The following RYR2 variants were observed in gnomAD, a reference collection of about 807,000 sequenced individuals.
RYR2 encodes ryanodine receptor 2.
Under a neutral mutation model 601.1 loss-of-function variants are expected in RYR2, and 227 were observed. The observed-to-expected ratio is 0.38, with a 90% CI of 0.34 to 0.42. The LOEUF (loss-of-function observed/expected upper bound fraction) is 0.42, where lower values mean the gene tolerates loss of function less well. RYR2 is among the 10% of genes least tolerant of loss of function. The pLI, the probability that RYR2 is intolerant of heterozygous loss-of-function variation, is 1.00. For missense variants in RYR2, 4,646 were observed against 6,156.5 expected (o/e 0.75, Z 8.21); for synonymous variants, 2,223 against 2,175.1 (o/e 1.02, Z -0.61).
intron 42 of RYR2, among the ~76,000 whole-genome samples, chr1:237,632,102 T>A (rs1379740611): frequency 1.3e-5 from 2 of 152,276 alleles, no homozygotes; most frequent in Admixed American, 6.5e-5. Flanking sequence ...ATTTTTGGCC[T>A]CCTAAATTAT....
chr1:237,232,651 T>C (rs922083091), intron 1 of RYR2, among the ~76,000 whole-genome samples: 2 of 152,148 alleles, frequency 1.3e-5, no homozygotes, highest in Non-Finnish European at 2.9e-5. Context: ...CTGTTAGAAG[T>C]TCCCAAGGCC....
chr1:237,643,308 T>C lies in RYR2; in HGVS notation c.7222-19T>C, dbSNP rs764896555. ...TGATGTCACAAAGTTGTTCTAATGT[T>C]TTTTTTTCCCCTGTATAGTTGATTC... is the stretch of plus-strand genomic sequence containing the variant. On this transcript the variant is annotated intron_variant, in intron 47 of 104. Transcript: ENST00000366574. 6.2e-7 allele frequency: 1 copy of C among 1,606,930 alleles called. No individual in the cohort carries two copies. Among genetic ancestry groups the C allele is most frequent in the African/African-American group, 1.3e-5 (1 of 74,568 alleles).
chr1:237,128,211 T>C (rs2490382), intron 1 of RYR2, among the ~76,000 whole-genome samples: 130,627 of 150,240 alleles, frequency 0.87, 57,313 homozygotes, highest in South Asian at 0.98. Flanking sequence ...AGCGAAACCC[T>C]GTCTCCACCA....
intron 41 of RYR2, among the ~76,000 whole-genome samples, chr1:237,628,787 C>T (rs1679952471): frequency 6.6e-6 from 1 of 150,502 alleles, no homozygotes. Context: ...GTGTTTAATA[C>T]ATTAAAAAAA....
chr1:237,159,646 C>G (rs1450157751), intron 1 of RYR2, among the ~76,000 whole-genome samples: 2 of 152,092 alleles, frequency 1.3e-5, no homozygotes, highest in Non-Finnish European at 2.9e-5. Flanking sequence ...ACCTGGACAA[C>G]AAAGTGTGAC....
intron 83 of RYR2, 103 bp from the exon 84 acceptor site, chr1:237,760,852 T>A: frequency 1.6e-6 from 1 of 606,814 alleles, no homozygotes; most frequent in Non-Finnish European, 2.9e-6. Context: ...CGTTAACATT[T>A]GCTTCATCTT....
intron 1 of RYR2, among the ~76,000 whole-genome samples, chr1:237,209,832 G>A (rs1682369398): frequency 6.6e-6 from 1 of 152,102 alleles, no homozygotes; most frequent in Non-Finnish European, 1.5e-5. Context: ...CTCCAGCCTA[G>A]GTGACAGAGC....
intron 12 of RYR2, among the ~76,000 whole-genome samples, chr1:237,438,823 G>T (rs545397532): frequency 6.6e-6 from 1 of 152,338 alleles, no homozygotes; most frequent in South Asian, 2.1e-4. Context: ...TCTTTTGAGA[G>T]ATCTACTTTT....
At chr1:237,701,923 G>T in intron 65 of RYR2, 55 bp from the exon 66 acceptor site, 1 of 965,474 alleles carries the variant, frequency 1.0e-6, no homozygotes, top group South Asian at 1.4e-5. Context: ...GCTTTCTCAG[G>T]ACAATGTATA....
At chr1:237,119,206 G>T (rs1323891491) in intron 1 of RYR2, among the ~76,000 whole-genome samples, 1 of 152,136 alleles carries the variant, frequency 6.6e-6, no homozygotes, top group African/African-American at 2.4e-5. Flanking sequence ...TGTGCACAGA[G>T]GCAAGGCTGT....
chr1:237,304,460 T>A (rs981170509), intron 2 of RYR2, among the ~76,000 whole-genome samples: 1 of 152,358 alleles, frequency 6.6e-6, no homozygotes, highest in East Asian at 1.9e-4. Flanking sequence ...AAATCTCTGA[T>A]TATTCTGAAT....
At chr1:237,131,184 G>T (rs978506839) in intron 1 of RYR2, among the ~76,000 whole-genome samples, 13 of 152,168 alleles carry the variant, frequency 8.5e-5, no homozygotes, top group African/African-American at 3.1e-4. Context: ...TTCCCCCTGG[G>T]AGGAATTTGA....
intron 31 of RYR2, 23 bp downstream of exon 31, chr1:237,591,015 T>G (rs1675096102): frequency 6.3e-7 from 1 of 1,585,674 alleles, no homozygotes; most frequent in Non-Finnish European, 8.6e-7. Context: ...TACGCTGTGA[T>G]TTTAAATTTG....
chr1:237,264,847 C>G (rs936763895), intron 1 of RYR2, among the ~76,000 whole-genome samples: 1 of 151,408 alleles, frequency 6.6e-6, no homozygotes, highest in African/African-American at 2.4e-5. Context: ...AGGTACCCAC[C>G]ACCATGCCTG....
chr1:237,043,281 G>A (rs1014798152), intron 1 of RYR2, among the ~76,000 whole-genome samples: 3 of 152,084 alleles, frequency 2.0e-5, no homozygotes, highest in African/African-American at 7.2e-5. Flanking sequence ...CATGGGAAGC[G>A]AGCGTGTGTT....
chr1:237,496,742 T>C lies in RYR2; in HGVS notation c.2193T>C (p.His731=). 1 of 1,613,688 alleles carries C rather than the reference T, an allele frequency of 6.2e-7. No homozygotes were observed. The highest frequency in any genetic ancestry group is 8.5e-7 in the Non-Finnish European group (1 of 1,179,702). ...TCTCCTATGGATTTGATGGCCTTCA[T>C]CTCTGGTCAGGTACGTACTATCCAT... ...DLFSYGFDGL[H]LWSGCIARTV... The change falls in exon 20 of 105, where the codon CAT becomes CAC. Residue 731 remains histidine, a synonymous_variant. Coordinates refer to ENST00000366574, the MANE Select transcript of RYR2 (RefSeq NM_001035.3).
At chr1:237,253,902 A>G (rs1334106596) in intron 1 of RYR2, among the ~76,000 whole-genome samples, 2 of 152,218 alleles carry the variant, frequency 1.3e-5, no homozygotes, top group African/African-American at 2.4e-5. Flanking sequence ...CTGAAAGAAG[A>G]TAATTTAATA....
At chr1:237,355,607 G>T (rs921086427) in intron 3 of RYR2, among the ~76,000 whole-genome samples, 8 of 152,128 alleles carry the variant, frequency 5.3e-5, no homozygotes, top group Non-Finnish European at 1.2e-4. Context: ...AATTAAATCA[G>T]TTTTTATAAT....
At chr1:237,823,186 A>G (rs549371691) in intron 101 of RYR2, among the ~76,000 whole-genome samples, 169 of 152,328 alleles carry the variant, frequency 1.1e-3, no homozygotes, top group Non-Finnish European at 1.3e-3. Context: ...CAGACCTAAC[A>G]GACATCTACA....
Sources: gnomAD v4.1 joint callset for allele counts (sites outside exome capture counted in the v4.1 genomes callset) on GRCh38, gnomAD v4.1.1 for gene constraint, MANE v1.5 for transcripts, NCBI Gene and HGNC (gene_info 2026-07-23, HGNC 2026-07-21) for gene names.